Variants in B3GAT2 observed in about 807,000 individuals in gnomAD.
B3GAT2 encodes the protein beta-1,3-glucuronyltransferase 2.
A neutral mutation model predicts 27.8 loss-of-function variants in B3GAT2; 26 were observed. That is an observed-to-expected ratio of 0.93 (90% CI 0.68 to 1.30). B3GAT2 has a LOEUF of 1.30. B3GAT2 is among the 50% of genes most tolerant of loss of function. The pLI, the probability that B3GAT2 is intolerant of heterozygous loss-of-function variation, is 0.00. For missense variants in B3GAT2, 458 were observed against 459.0 expected (o/e 1.00, Z 0.02); for synonymous variants, 218 against 195.1 (o/e 1.12, Z -0.98).
At chr6:70,938,040 G>A (rs1443237014) in intron 1 of B3GAT2, among the ~76,000 whole-genome samples, 1 of 151,044 alleles carries the variant, frequency 6.6e-6, no homozygotes, top group Non-Finnish European at 1.5e-5. Context: ...AAGCTGATAA[G>A]CAACTTCAGC....
At chr6:70,915,751 C>A (rs775048967) in intron 1 of B3GAT2, among the ~76,000 whole-genome samples, 1 of 152,104 alleles carries the variant, frequency 6.6e-6, no homozygotes, top group Non-Finnish European at 1.5e-5. Flanking sequence ...TGTTCTATTC[C>A]GTTGGTCTAC....
intron 1 of B3GAT2, among the ~76,000 whole-genome samples, chr6:70,916,096 TCCTTGAAGAGGTCCTTCACATC>T (rs1284836413): frequency 9.9e-5 from 15 of 152,200 alleles, no homozygotes; most frequent in African/African-American, 3.6e-4. Flanking sequence ...TTTGTAGTTC[TCCTTGAAGAGGTCCTTCACATC>T]CCTTGTAAGT....
chr6:70,908,517 C>T (rs1232191039), intron 1 of B3GAT2, among the ~76,000 whole-genome samples: 1 of 152,038 alleles, frequency 6.6e-6, no homozygotes, highest in African/African-American at 2.4e-5. Flanking sequence ...CAGTTAGAAG[C>T]AGTAGACTAG....
At position 70,908,712 on chromosome 6, in the gene B3GAT2, T is replaced by C. The variant is rs533132929; in HGVS notation, c.592-14440A>G. On this transcript the variant is annotated intron_variant, in intron 1 of 3. Transcript: ENST00000230053. ...TGGAATAGATGACTAAGGATAAGGATAAAGGGAAATAAACACAACAAGAGA... is the reference window on the plus strand; with the variant it reads ...TGGAATAGATGACTAAGGATAAGGACAAAGGGAAATAAACACAACAAGAGA... Among the ~76,000 whole-genome samples the C allele has an allele frequency of 9.2e-5, 14 of 152,028 alleles. No homozygotes were observed. In the South Asian group the frequency reaches 2.9e-3, roughly 32 times the overall value.
At chr6:70,940,505 A>AT (rs1388743122) in intron 1 of B3GAT2, among the ~76,000 whole-genome samples, 1 of 152,048 alleles carries the variant, frequency 6.6e-6, no homozygotes, top group Non-Finnish European at 1.5e-5. Flanking sequence ...AAAAAAATCT[A>AT]TTTCGTGCCC....
rs370022108 is a variant in B3GAT2 at position 70,857,860 on chromosome 6, T to C, written c.*3803A>G. ...CAGAAAGGCAATTTTTCTGTGATTA[T>C]AGAGATGAGTGCAACTACACGTGAT... On this transcript the variant is annotated 3_prime_UTR_variant, in exon 4 of 4. Transcript: ENST00000230053. 4 of 1,557,118 alleles carry C rather than the reference T, an allele frequency of 2.6e-6. No homozygotes were observed. The highest frequency in any genetic ancestry group is 1.8e-5 in the Admixed American group (1 of 56,550).
chr6:70,882,544 G>C (rs551902006), intron 2 of B3GAT2, among the ~76,000 whole-genome samples: 41 of 152,098 alleles, frequency 2.7e-4, no homozygotes, highest in African/African-American at 9.9e-4. Context: ...AGATAAACTA[G>C]ACTTCTTCCA....
At chr6:70,945,338 G>A (rs372472720) in intron 1 of B3GAT2, among the ~76,000 whole-genome samples, 19 of 152,088 alleles carry the variant, frequency 1.2e-4, no homozygotes, top group South Asian at 4.2e-4. Flanking sequence ...AAATTTAGAC[G>A]AATGTATAAC....
At chr6:70,864,928 T>A (rs1771825352) in intron 2 of B3GAT2, among the ~76,000 whole-genome samples, 1 of 151,954 alleles carries the variant, frequency 6.6e-6, no homozygotes, top group South Asian at 2.1e-4. Context: ...TCTGCCCTGG[T>A]CAGCTGAGTA....
In B3GAT2 at chr6:70,899,929, A is replaced by G. The variant is rs535449032; in HGVS notation, c.592-5657T>C. Among the ~76,000 whole-genome samples the G allele has an allele frequency of 7.9e-5, 12 of 152,326 alleles. No homozygotes were observed. In the South Asian group the frequency reaches 2.5e-3, roughly 32 times the overall value. On this transcript the variant is annotated intron_variant, in intron 1 of 3. Coordinates refer to ENST00000230053, the MANE Select transcript of B3GAT2 (RefSeq NM_080742.3). ...TATTTAAAAGCTTTGCTACTTTCTC[A>G]ACATGAAATAGCAGTTACATAACAA...
At chr6:70,868,727 C>G (rs193259074) in intron 2 of B3GAT2, among the ~76,000 whole-genome samples, 1 of 152,116 alleles carries the variant, frequency 6.6e-6, no homozygotes, top group Non-Finnish European at 1.5e-5. Context: ...TTTCCCCCCC[C>G]ACGTTAAACA....
intron 1 of B3GAT2, among the ~76,000 whole-genome samples, chr6:70,942,131 A>G (rs1036924922): frequency 6.6e-6 from 1 of 152,206 alleles, no homozygotes; most frequent in Non-Finnish European, 1.5e-5. Flanking sequence ...ATGCAAAAAA[A>G]TAAAAAGGAA....
rs190417528 is a variant in B3GAT2 at position 70,915,343 on chromosome 6, C to A, written c.592-21071G>T. Among the ~76,000 whole-genome samples the A allele has an allele frequency of 1.1e-3, 170 of 152,122 alleles. 2 individuals carry two copies. Among genetic ancestry groups the A allele is most frequent in the African/African-American group, 3.8e-3 (159 of 41,508 alleles). On this transcript the variant is annotated intron_variant, in intron 1 of 3. Coordinates refer to ENST00000230053, the MANE Select transcript of B3GAT2 (RefSeq NM_080742.3). ...TGGATAGATTGAAAAATTTTTCTCC[C>A]ATTCTGTAGGTTGCCTATTCACTCT...
At position 70,915,911 on chromosome 6, in the gene B3GAT2, T is replaced by C. The variant is rs373460787; in HGVS notation, c.592-21639A>G. Among the ~76,000 whole-genome samples the C allele has an allele frequency of 1.1e-4, 16 of 152,302 alleles. No homozygotes were observed. In the East Asian group the frequency reaches 2.9e-3, roughly 28 times the overall value. Reference sequence around the variant, plus strand: ...GCTCTTTTTTGGTTCCATATGAGCTTTAAAGTAGTTTTTTTCCAATTCTGT... The same window carrying C: ...GCTCTTTTTTGGTTCCATATGAGCTCTAAAGTAGTTTTTTTCCAATTCTGT... On this transcript the variant is annotated intron_variant, in intron 1 of 3. Coordinates refer to ENST00000230053, the MANE Select transcript of B3GAT2 (RefSeq NM_080742.3).
At chr6:70,924,276 T>G (rs949834388) in intron 1 of B3GAT2, among the ~76,000 whole-genome samples, 1 of 152,044 alleles carries the variant, frequency 6.6e-6, no homozygotes, top group Non-Finnish European at 1.5e-5. Context: ...CAAAGATAAA[T>G]GGAACAAAAT....
At chr6:70,897,982 A>G (rs1332765691) in intron 1 of B3GAT2, among the ~76,000 whole-genome samples, 2 of 152,156 alleles carry the variant, frequency 1.3e-5, no homozygotes, top group Non-Finnish European at 2.9e-5. Context: ...CAGTGATCTT[A>G]ATACCAATGC....
At chr6:70,884,124 C>G (rs751996259) in intron 2 of B3GAT2, among the ~76,000 whole-genome samples, 4 of 151,304 alleles carry the variant, frequency 2.6e-5, no homozygotes, top group Non-Finnish European at 5.9e-5. Context: ...CAAAAAAAAC[C>G]CGCAACCACA....
chr6:70,884,498 G>A (rs1772151574), intron 2 of B3GAT2, among the ~76,000 whole-genome samples: 1 of 152,174 alleles, frequency 6.6e-6, no homozygotes, highest in African/African-American at 2.4e-5. Flanking sequence ...CGCCCTCCTA[G>A]TGTACTCCCG....
intron 1 of B3GAT2, among the ~76,000 whole-genome samples, chr6:70,908,599 C>T (rs1772637923): frequency 6.6e-6 from 1 of 151,970 alleles, no homozygotes; most frequent in Admixed American, 6.6e-5. Flanking sequence ...ATCTATAATG[C>T]CATTTATGTA....
Sources: gnomAD v4.1 joint callset for allele counts (sites outside exome capture counted in the v4.1 genomes callset) on GRCh38, gnomAD v4.1.1 for gene constraint, MANE v1.5 for transcripts, NCBI Gene and HGNC (gene_info 2026-07-23, HGNC 2026-07-21) for gene names.